The following C5orf34 variants were observed in gnomAD, a reference collection of about 807,000 sequenced individuals.
The protein encoded by C5orf34 is chromosome 5 open reading frame 34.
In C5orf34, 73 loss-of-function variants were observed where a neutral mutation model predicts 78.4. That is an observed-to-expected ratio of 0.93 (90% CI 0.77 to 1.13). The LOEUF is 1.13. Ranked by LOEUF, C5orf34 falls within the 50% of genes most tolerant of loss-of-function variation. The probability of loss-of-function intolerance (pLI) is 0.00; values close to 1 mark genes in which losing one functional copy is unlikely to be tolerated. For missense variants in C5orf34, 730 were observed against 732.7 expected, an observed-to-expected ratio of 1.00 and a Z score of 0.04; for synonymous variants, 251 against 246.6, an observed-to-expected ratio of 1.02 and a Z score of -0.17.
At chr5:43,494,186 A>C (rs1473826028) in intron 7 of C5orf34, among the ~76,000 whole-genome samples, 1 of 152,192 alleles carries the variant, frequency 6.6e-6, no homozygotes, top group Non-Finnish European at 1.5e-5. Context: ...TTTTAAATGT[A>C]ACATCAAATC....
intron 3 of C5orf34, among the ~76,000 whole-genome samples, chr5:43,507,241 A>G (rs1344228179): frequency 6.6e-6 from 1 of 152,258 alleles, no homozygotes; most frequent in Non-Finnish European, 1.5e-5. Flanking sequence ...AACAGTAGAT[A>G]TTGCGTGAGA....
At chr5:43,495,832 A>G in intron 6 of C5orf34, 1 of 1,585,520 alleles carries the variant, frequency 6.3e-7, no homozygotes, top group Middle Eastern at 2.2e-4. Flanking sequence ...CCTTGAGCCA[A>G]GGCATGTTAG....
At chr5:43,488,993 T>C (rs1282847843) in intron 11 of C5orf34, among the ~76,000 whole-genome samples, 3 of 152,108 alleles carry the variant, frequency 2.0e-5, no homozygotes, top group African/African-American at 7.2e-5. Flanking sequence ...CTCCAGCCTA[T>C]GGATGGAGAA....
intron 10 of C5orf34, 137 bp from the exon 11 acceptor site, chr5:43,490,866 A>T: frequency 2.0e-6 from 1 of 493,172 alleles, no homozygotes; most frequent in East Asian, 3.2e-5. Context: ...TTACTGGGCA[A>T]TTCTCAAAAT....
intron 3 of C5orf34, 83 bp downstream of exon 3, chr5:43,508,493 GA>G: frequency 4.2e-5 from 35 of 824,570 alleles, no homozygotes; most frequent in South Asian, 6.4e-5. Context: ...TCCTGAAAAG[GA>G]AAAAAAGGCT....
chr5:43,495,838 G>C (rs1170400812), intron 6 of C5orf34: 3 of 1,587,196 alleles, frequency 1.9e-6, no homozygotes, highest in Admixed American at 3.3e-5. Flanking sequence ...GCCAAGGCAT[G>C]TTAGCACTCG....
rs552956108 is a variant in C5orf34, at chr5:43,486,745, A to G, written c.*170T>C. The G allele has an allele frequency of 1.8e-5, 7 of 384,618 alleles. No homozygotes were observed. In the East Asian group the frequency reaches 2.4e-4, roughly 13 times the overall value. The allele number at this position is 384,618 out of a possible 1,614,324, so 23.8% of individuals were successfully genotyped here. On this transcript the variant is annotated 3_prime_UTR_variant, in exon 13 of 13. Transcript: ENST00000306862. Reference sequence around the variant, plus strand: ...ATATTTATTATTAAGATATAAATACATATTTTAAAAATGTACAAGTTAAAA... The same window carrying G: ...ATATTTATTATTAAGATATAAATACGTATTTTAAAAATGTACAAGTTAAAA...
At chr5:43,506,661 A>G (rs1302691543) in intron 3 of C5orf34, among the ~76,000 whole-genome samples, 1 of 152,180 alleles carries the variant, frequency 6.6e-6, no homozygotes, top group Non-Finnish European at 1.5e-5. Context: ...TGTTAAATGT[A>G]TTTTGGTTTT....
At chr5:43,501,356 CTGTGAACTCTTG>C (rs1745752038) in intron 6 of C5orf34, among the ~76,000 whole-genome samples, 1 of 58,808 alleles carries the variant, frequency 1.7e-5, no homozygotes, top group South Asian at 1.1e-3. Flanking sequence ...GAACACAAGA[CTGTGAACTCTTG>C]AGGGCAGGAA....
chr5:43,495,786 C>A, intron 6 of C5orf34: 2 of 1,577,320 alleles, frequency 1.3e-6, no homozygotes, highest in African/African-American at 2.7e-5. Flanking sequence ...AGCATGGTGC[C>A]GCTGGCACTG....
chr5:43,503,055 A>G (rs1228185637), intron 5 of C5orf34, among the ~76,000 whole-genome samples: 1 of 152,254 alleles, frequency 6.6e-6, no homozygotes, highest in Non-Finnish European at 1.5e-5. Flanking sequence ...TAGAAGGAAT[A>G]GGTCTTCACA....
intron 6 of C5orf34, chr5:43,495,612 C>T: frequency 5.0e-6 from 8 of 1,610,442 alleles, no homozygotes; most frequent in Admixed American, 1.7e-5. Context: ...GTAATGTTGA[C>T]TGGAGCAAAG....
intron 3 of C5orf34, 61 bp from the exon 4 acceptor site, chr5:43,506,455 A>G: frequency 1.4e-6 from 2 of 1,455,104 alleles, no homozygotes; most frequent in Non-Finnish European, 1.8e-6. Context: ...ATTTTTCCAT[A>G]TATTTGATAT....
intron 6 of C5orf34, among the ~76,000 whole-genome samples, chr5:43,501,118 G>A (rs754574258): frequency 4.6e-5 from 7 of 152,228 alleles, no homozygotes; most frequent in South Asian, 2.1e-4. Context: ...ACCCCCTCCC[G>A]CAACAGCTTT....
intron 9 of C5orf34, among the ~76,000 whole-genome samples, 158 bp from the exon 10 acceptor site, chr5:43,492,467 C>T (rs1017774264): frequency 1.1e-4 from 16 of 152,136 alleles, no homozygotes; most frequent in African/African-American, 3.6e-4. Flanking sequence ...GTTATTTAAC[C>T]ACCACTCATA....
chr5:43,506,200 C>T lies in C5orf34; in HGVS notation c.480G>A (p.Val160=). 3 of 1,614,126 alleles carry T rather than the reference C, an allele frequency of 1.9e-6. No individual in the cohort carries two copies. The highest frequency in any genetic ancestry group is 2.5e-6 in the Non-Finnish European group (3 of 1,180,024). The stretch of plus-strand genomic sequence containing the variant: ...GGGCTTTATTATTTGTTTCTGACAA[C>T]ACTGCAGATGAGTCTGACTTCTGGC... ...KVSQKSDSSA[V]LSETNNKAPK... is the part of the protein sequence containing the mutation. Residue 160 remains valine (V), a synonymous_variant, in exon 4 of 13, where the codon GTG becomes GTA. Transcript: ENST00000306862.
chr5:43,503,995 AAC>A (rs1296254703), intron 4 of C5orf34, among the ~76,000 whole-genome samples: 3 of 152,214 alleles, frequency 2.0e-5, no homozygotes, highest in Non-Finnish European at 4.4e-5. Flanking sequence ...TACATAAATT[AAC>A]AGTTTTAATA....
At chr5:43,493,651 G>A in intron 7 of C5orf34, 39 bp from the exon 8 acceptor site, 1 of 1,237,120 alleles carries the variant, frequency 8.1e-7, no homozygotes, top group Non-Finnish European at 1.1e-6. Flanking sequence ...ATTTGCAAAT[G>A]ACATTTTCCA....
In C5orf34 at chr5:43,487,046, C is replaced by T; in HGVS notation, c.1786G>A (p.Asp596Asn). The T allele has an allele frequency of 6.3e-7, 1 of 1,581,204 alleles. No individual in the cohort carries two copies. ...SNKKNEQQSFDHYKPGSSETL... is the reference protein window; with the variant it reads ...SNKKNEQQSFNHYKPGSSETL... The stretch of plus-strand genomic sequence containing the variant: ...TCTGAAGATCCTGGTTTATAATGAT[C>T]AAAAGACTGTTGTTCATTTTTCTTG... The change falls in exon 13 of 13, where the codon GAT becomes AAT. Residue 596 changes from aspartate to asparagine, a missense_variant. Physicochemically the swap from Asp to Asn is conservative, Grantham distance 23. Transcript: ENST00000306862.
Sources: allele counts gnomAD v4.1 joint callset (sites outside exome capture counted in the v4.1 genomes callset), GRCh38; gene constraint gnomAD v4.1.1; transcripts MANE v1.5; gene names NCBI Gene and HGNC (gene_info 2026-07-23, HGNC 2026-07-21).